DHX36: variants seen among roughly 807,000 people sequenced by gnomAD.
The protein encoded by DHX36 is DEAH-box helicase 36.
A neutral mutation model predicts 139.0 loss-of-function variants in DHX36; 50 were observed. That is an observed-to-expected ratio of 0.36 (90% CI 0.29 to 0.46). The LOEUF is 0.46. Ranked by LOEUF, DHX36 falls within the 20% of genes least tolerant of loss-of-function variation. The pLI is 1.00. For synonymous variants in DHX36, 425 were observed against 401.9 expected (o/e 1.06, Z -0.69); for missense variants, 1,024 against 1,211.3 (o/e 0.85, Z 2.29).
intron 9 of DHX36, 84 bp downstream of exon 9, chr3:154,303,245 T>C (rs1712369925): frequency 1.1e-6 from 1 of 943,188 alleles, no homozygotes; most frequent in Non-Finnish European, 1.6e-6. Context: ...TAGTCAATGA[T>C]GGGTTTCTGA....
intron 12 of DHX36, among the ~76,000 whole-genome samples, chr3:154,296,851 T>C (rs1393153111): frequency 6.6e-6 from 1 of 152,208 alleles, no homozygotes; most frequent in Non-Finnish European, 1.5e-5. Context: ...AGTGAACAGC[T>C]GCCAAGCAAC....
In DHX36 at chr3:154,274,768, C is replaced by T. The variant is rs1434952005; in HGVS notation, c.*1403G>A. ...GATTCATTTAGAACAGCAGGATTCA[C>T]CCTTAGGGAAAGGGTCCAACATACC... On this transcript the variant is annotated 3_prime_UTR_variant, in exon 25 of 25. Coordinates refer to ENST00000496811, the MANE Select transcript of DHX36 (RefSeq NM_020865.3). 1 of 152,158 alleles carries T rather than the reference C, an allele frequency of 6.6e-6. No individual in the cohort carries two copies. The highest frequency in any genetic ancestry group is 2.4e-5 in the African/African-American group (1 of 41,420). 9.4% of individuals were successfully genotyped at this position (152,158 alleles called of 1,614,324 possible).
At chr3:154,287,734 C>T (rs1329674242) in intron 17 of DHX36, among the ~76,000 whole-genome samples, 1 of 151,850 alleles carries the variant, frequency 6.6e-6, no homozygotes, top group Admixed American at 6.6e-5. Context: ...AACAGATATG[C>T]AATATACAAC....
intron 3 of DHX36, among the ~76,000 whole-genome samples, chr3:154,313,770 G>C (rs1197028329): frequency 2.6e-5 from 4 of 152,026 alleles, no homozygotes; most frequent in Admixed American, 1.3e-4. Context: ...AGAACATAAA[G>C]AAAAAATATT....
intron 3 of DHX36, among the ~76,000 whole-genome samples, chr3:154,312,418 T>C (rs911877539): frequency 6.6e-6 from 1 of 152,188 alleles, no homozygotes; most frequent in Non-Finnish European, 1.5e-5. Flanking sequence ...TATGGAACTC[T>C]ATACCCGTAT....
At chr3:154,298,597 T>G (rs1379292800) in intron 12 of DHX36, among the ~76,000 whole-genome samples, 1 of 152,196 alleles carries the variant, frequency 6.6e-6, no homozygotes, top group Non-Finnish European at 1.5e-5. Context: ...TCAATACAAT[T>G]AGATCAAAAT....
chr3:154,312,895 A>C, intron 3 of DHX36, among the ~76,000 whole-genome samples: 1 of 106,942 alleles, frequency 9.4e-6, no homozygotes, highest in African/African-American at 3.6e-5. Flanking sequence ...ATATATATAT[A>C]TATATAAAAT....
intron 14 of DHX36, among the ~76,000 whole-genome samples, chr3:154,293,078 G>A (rs1181138869): frequency 6.6e-6 from 1 of 152,050 alleles, no homozygotes; most frequent in Non-Finnish European, 1.5e-5. Context: ...CTGTTTCAGT[G>A]ACTAAACTAC....
At position 154,275,986 on chromosome 3, in the gene DHX36, A is replaced by C; in HGVS notation, c.*185T>G. ...AACATATTGCTTTTATGGTATATAT[A>C]TATATATATATATATCTCTACATAT... On this transcript the variant is annotated 3_prime_UTR_variant, in exon 25 of 25. Transcript: ENST00000496811. 1 of 352,540 alleles carries C rather than the reference A, an allele frequency of 2.8e-6. No homozygotes were observed. The highest frequency in any genetic ancestry group is 9.5e-5 in the South Asian group (1 of 10,548). The allele number at this position is 352,540 out of a possible 1,614,324, so 21.8% of individuals were successfully genotyped here.
chr3:154,305,012 T>C (rs1712445837), intron 7 of DHX36, 40 bp from the exon 8 acceptor site: 20 of 1,596,598 alleles, frequency 1.3e-5, no homozygotes, highest in Non-Finnish European at 1.7e-5. Context: ...TAAAACCATT[T>C]TTCTTTAACA....
At chr3:154,310,708 T>C (rs1017951867) in intron 4 of DHX36, among the ~76,000 whole-genome samples, 6 of 127,364 alleles carry the variant, frequency 4.7e-5, no homozygotes, top group African/African-American at 1.8e-4. Flanking sequence ...AACCCGAGAG[T>C]CGGGAGTTTG....
rs1559963379 is a variant in DHX36, at chr3:154,324,269, T to A, written c.148A>T (p.Arg50Trp). The part of the protein sequence containing the change: ...GGGGGGGRGG[R>W]GRHPGHLKGR... ...TTCAGGTGCCCGGGATGCCGGCCCC[T>A]GCCGCCTCGACCACCCCCTCCGCCG... The change falls in exon 1 of 25, where the codon AGG becomes TGG. Residue 50 changes from arginine to tryptophan, a missense_variant. Physicochemically the swap from Arg to Trp is moderately radical, Grantham distance 101. Coordinates refer to ENST00000496811, the MANE Select transcript of DHX36 (RefSeq NM_020865.3). 2.5e-6 allele frequency: 4 copies of A among 1,613,584 alleles called. No homozygotes were observed. Among genetic ancestry groups the A allele is most frequent in the Non-Finnish European group, 8.5e-7 (1 of 1,179,762 alleles).
At chr3:154,293,501 G>A (rs1711906279) in intron 14 of DHX36, among the ~76,000 whole-genome samples, 1 of 152,148 alleles carries the variant, frequency 6.6e-6, no homozygotes, top group East Asian at 1.9e-4. Flanking sequence ...AGGCTCACTT[G>A]AGCTGAGGAG....
chr3:154,322,286 T>C (rs1713220814), intron 1 of DHX36, among the ~76,000 whole-genome samples: 1 of 152,224 alleles, frequency 6.6e-6, no homozygotes, highest in Admixed American at 6.5e-5. Context: ...TATATCAGAC[T>C]GAGACAGAAG....
At chr3:154,312,404 CTT>C (rs1712794048) in intron 3 of DHX36, among the ~76,000 whole-genome samples, 2 of 151,994 alleles carry the variant, frequency 1.3e-5, no homozygotes, top group Non-Finnish European at 2.9e-5. Context: ...ATTCTGAAAA[CTT>C]TTATGGAACT....
At chr3:154,301,438 T>C (rs996890818) in intron 9 of DHX36, among the ~76,000 whole-genome samples, 2 of 152,202 alleles carry the variant, frequency 1.3e-5, no homozygotes, top group East Asian at 1.9e-4. Context: ...CAAAAGTTAA[T>C]ATTAATGTTA....
At chr3:154,315,910 G>A (rs1712958879) in intron 2 of DHX36, 129 bp downstream of exon 2, 1 of 1,129,304 alleles carries the variant, frequency 8.9e-7, no homozygotes, top group Non-Finnish European at 1.2e-6. Context: ...TTCTAAATCT[G>A]TTTAATCTAC....
chr3:154,315,921 A>G, intron 2 of DHX36, 118 bp downstream of exon 2: 1 of 1,243,564 alleles, frequency 8.0e-7, no homozygotes, highest in Non-Finnish European at 1.1e-6. Context: ...TTTAATCTAC[A>G]TAAGGAAAAA....
intron 9 of DHX36, among the ~76,000 whole-genome samples, chr3:154,302,431 A>AT (rs1712333888): frequency 6.6e-6 from 1 of 152,114 alleles, no homozygotes; most frequent in African/African-American, 2.4e-5. Context: ...ACATTGTTTT[A>AT]TTTTTTTGGT....
Sources: gnomAD v4.1 joint callset for allele counts (sites outside exome capture counted in the v4.1 genomes callset) on GRCh38, gnomAD v4.1.1 for gene constraint, MANE v1.5 for transcripts, NCBI Gene and HGNC (gene_info 2026-07-23, HGNC 2026-07-21) for gene names.